Variants in ACACA observed in about 807,000 individuals in gnomAD.
ACACA encodes the protein acetyl-CoA carboxylase 1.
Under a neutral mutation model 296.1 loss-of-function variants are expected in ACACA, and 103 were observed. The observed-to-expected ratio is 0.35, with a 90% CI of 0.30 to 0.41. The LOEUF is 0.41. Ranked by LOEUF, ACACA falls within the 10% of genes least tolerant of loss-of-function variation. The pLI, the probability that ACACA is intolerant of heterozygous loss-of-function variation, is 1.00. For missense variants in ACACA, 1,554 were observed against 2,989.7 expected, an observed-to-expected ratio of 0.52 and a Z score of 11.20; for synonymous variants, 953 against 1,038.6, an observed-to-expected ratio of 0.92 and a Z score of 1.58.
chr17:37,111,323 C>G (rs1327557494), intron 52 of ACACA, among the ~76,000 whole-genome samples: 2 of 152,114 alleles, frequency 1.3e-5, no homozygotes, highest in African/African-American at 4.8e-5. Context: ...GAAAAAAAAT[C>G]AGGTGACTTT....
chr17:37,328,603 G>A (rs561293378), intron 3 of ACACA: 168 of 279,646 alleles, frequency 6.0e-4, no homozygotes, highest in African/African-American at 3.2e-3. Context: ...CAGAAGCCCC[G>A]ATCCCAAGCC....
At chr17:37,259,132 T>C (rs1181547816) in intron 12 of ACACA, among the ~76,000 whole-genome samples, 1 of 152,246 alleles carries the variant, frequency 6.6e-6, no homozygotes, top group Non-Finnish European at 1.5e-5. Context: ...TTCTAAAACA[T>C]GACACATTAT....
intron 5 of ACACA, among the ~76,000 whole-genome samples, chr17:37,283,025 C>G (rs2082613999): frequency 6.6e-6 from 1 of 152,212 alleles, no homozygotes; most frequent in Non-Finnish European, 1.5e-5. Flanking sequence ...CAAATCAACA[C>G]TTTTGTTAAA....
chr17:37,298,841 T>G (rs1009566637), intron 3 of ACACA, among the ~76,000 whole-genome samples: 7 of 152,172 alleles, frequency 4.6e-5, no homozygotes, highest in Non-Finnish European at 7.3e-5. Flanking sequence ...ATACCACAAT[T>G]ACAGCAGGCA....
chr17:37,246,851 G>A lies in ACACA; in HGVS notation c.2435C>T (p.Ala812Val), dbSNP rs201859870. 1.1e-5 allele frequency: 17 copies of A among 1,613,876 alleles called. No individual in the cohort carries two copies. The highest frequency in any genetic ancestry group is 1.3e-5 in the African/African-American group (1 of 74,972). ...CTCAATCTCAGCATAGCACTGGCCG[G>A]CAAACACATGACCTCCATCTTCTAC... ...YIVEDGGHVF[A>V]GQCYAEIEVM... Residue 812 changes from alanine to valine, a missense_variant, in exon 19 of 56, where the codon GCC becomes GTC. By Grantham distance (64) the Ala-to-Val change is moderately conservative. Transcript: ENST00000616317.
intron 3 of ACACA, among the ~76,000 whole-genome samples, chr17:37,316,302 TACACACACACAC>T (rs10533479): frequency 2.3e-4 from 33 of 142,506 alleles, no homozygotes; most frequent in Non-Finnish European, 5.1e-4. Context: ...TACCCTTACA[TACACACACACAC>T]ACACACACAC....
At position 37,349,394 on chromosome 17, in the gene ACACA, T is replaced by A. The variant is rs192563278; in HGVS notation, c.39-9544A>T. Among the ~76,000 whole-genome samples the A allele has an allele frequency of 9.3e-3, 1,370 of 147,318 alleles. 14 individuals are homozygous for A. Among genetic ancestry groups the A allele is most frequent in the African/African-American group, 0.031 (1,258 of 40,578 alleles). ...ATATTCTTACATATATATATATATA[T>A]AAAACATATATATAATATATATTAT... On this transcript the variant is annotated intron_variant, in intron 1 of 55. Coordinates refer to ENST00000616317, the MANE Select transcript of ACACA (RefSeq NM_198834.3).
chr17:37,106,706 C>T (rs2073707888), intron 52 of ACACA, among the ~76,000 whole-genome samples: 1 of 152,140 alleles, frequency 6.6e-6, no homozygotes, highest in Non-Finnish European at 1.5e-5. Flanking sequence ...TCATTATTTT[C>T]CTTCCCTAAT....
chr17:37,165,121 C>T (rs546812114), intron 41 of ACACA, among the ~76,000 whole-genome samples: 6 of 150,748 alleles, frequency 4.0e-5, no homozygotes, highest in African/African-American at 1.5e-4. Context: ...CTCCCCACCC[C>T]GCCCCGCCCC....
chr17:37,161,563 C>T, intron 42 of ACACA: 3 of 610,660 alleles, frequency 4.9e-6, no homozygotes, highest in Non-Finnish European at 5.6e-6. Context: ...GAAACAGCAA[C>T]CTGTTTTATA....
rs78363076 is a variant in ACACA at position 37,149,521 on chromosome 17, C to A, written c.5679+343G>T. On this transcript the variant is annotated intron_variant, in intron 45 of 55. Transcript: ENST00000616317. ...AGAAAAAGAGAGAAGTGGGACAGAA[C>A]AGAAGCGTTCAATTAATTCTGTCTT... Among the ~76,000 whole-genome samples the A allele has an allele frequency of 8.6e-3, 1,304 of 152,296 alleles. 19 individuals are homozygous for A. Among genetic ancestry groups the A allele is most frequent in the African/African-American group, 0.03 (1,244 of 41,546 alleles).
chr17:37,243,951 C>T (rs1025536145), intron 21 of ACACA, among the ~76,000 whole-genome samples: 7 of 152,148 alleles, frequency 4.6e-5, no homozygotes, highest in Admixed American at 6.5e-5. Flanking sequence ...TGGCCTCAAG[C>T]GATCTTTCCA....
intron 51 of ACACA, 89 bp from the exon 52 acceptor site, chr17:37,111,732 AC>A: frequency 1.0e-6 from 1 of 953,316 alleles, no homozygotes; most frequent in Non-Finnish European, 1.7e-6. Flanking sequence ...CAATTTGTAG[AC>A]CAGGAAATAG....
intron 1 of ACACA, among the ~76,000 whole-genome samples, chr17:37,343,330 T>C (rs1306152693): frequency 1.3e-5 from 2 of 152,198 alleles, no homozygotes; most frequent in Non-Finnish European, 2.9e-5. Flanking sequence ...TTAGTTAGCA[T>C]ATTCTCCTTG....
intron 50 of ACACA, among the ~76,000 whole-genome samples, chr17:37,114,253 C>T (rs2074125573): frequency 6.6e-6 from 1 of 151,988 alleles, no homozygotes; most frequent in Admixed American, 6.6e-5. Flanking sequence ...AAAGACTACA[C>T]TTTGTAGACT....
chr17:37,159,621 C>G (rs1488089333), intron 42 of ACACA, among the ~76,000 whole-genome samples: 1 of 152,180 alleles, frequency 6.6e-6, no homozygotes, highest in Non-Finnish European at 1.5e-5. Flanking sequence ...AACCCCTGTA[C>G]TGGATCAATT....
chr17:37,292,619 G>A (rs1485332369), intron 3 of ACACA, among the ~76,000 whole-genome samples: 1 of 152,232 alleles, frequency 6.6e-6, no homozygotes. Flanking sequence ...ACTTCGGGAG[G>A]CCAAGGTGAG....
chr17:37,112,898 A>G (rs975039532), intron 51 of ACACA, among the ~76,000 whole-genome samples, 190 bp downstream of exon 51: 1 of 152,138 alleles, frequency 6.6e-6, no homozygotes. Context: ...TTTGGGTGCT[A>G]CAAACACCAT....
Position 37,242,051 on chromosome 17 carries a change from A to C in ACACA, c.2934T>G (p.Ile978Met). Residue 978 changes from isoleucine (I) to methionine (M), a missense_variant and splice_region_variant, in exon 23 of 56, where the codon ATT becomes ATG. Ile to Met is a conservative substitution (Grantham distance 10). Transcript: ENST00000616317. Reference protein sequence around the residue: ...SVLCQFPSQQIANILDSHAAT... With the variant: ...SVLCQFPSQQMANILDSHAAT... ...CTGCATGGCTATCTAGGATGTTTGC[A>C]ATCTAAGGTATAAAAAAGGGAAAAA... 1 of 1,613,662 alleles carries C rather than the reference A, an allele frequency of 6.2e-7. No homozygotes were observed. Among genetic ancestry groups the C allele is most frequent in the Non-Finnish European group, 8.5e-7 (1 of 1,179,744 alleles).
Sources: gnomAD v4.1 joint callset for allele counts (sites outside exome capture counted in the v4.1 genomes callset) on GRCh38, gnomAD v4.1.1 for gene constraint, MANE v1.5 for transcripts, NCBI Gene and HGNC (gene_info 2026-07-23, HGNC 2026-07-21) for gene names.